NRP1: variants seen among roughly 807,000 people sequenced by gnomAD.
NRP1 encodes neuropilin-1.
A neutral mutation model predicts 106.7 loss-of-function variants in NRP1; 35 were observed. That is an observed-to-expected ratio of 0.33 (90% CI 0.25 to 0.43). The LOEUF (loss-of-function observed/expected upper bound fraction) is 0.43, where lower values mean the gene tolerates loss of function less well. NRP1 is among the 20% of genes least tolerant of loss of function. The probability of loss-of-function intolerance (pLI) is 1.00; values close to 1 mark genes in which losing one functional copy is unlikely to be tolerated. For synonymous variants in NRP1, 437 were observed against 417.9 expected, an observed-to-expected ratio of 1.05 and a Z score of -0.56; for missense variants, 1,024 against 1,170.4, an observed-to-expected ratio of 0.87 and a Z score of 1.83.
At chr10:33,328,431 A>G (rs533822116) in intron 2 of NRP1, among the ~76,000 whole-genome samples, 1 of 152,286 alleles carries the variant, frequency 6.6e-6, no homozygotes, top group Non-Finnish European at 1.5e-5. Flanking sequence ...AGATGACCTT[A>G]TTTCCCTGAC....
intron 2 of NRP1, among the ~76,000 whole-genome samples, chr10:33,299,241 A>C (rs1845630305): frequency 6.6e-6 from 1 of 152,020 alleles, no homozygotes; most frequent in African/African-American, 2.4e-5. Flanking sequence ...TGCCCCCCTG[A>C]CCCTGCCCCA....
At chr10:33,195,421 A>G (rs1836710621) in intron 12 of NRP1, 1 of 480,936 alleles carries the variant, frequency 2.1e-6, no homozygotes, top group Non-Finnish European at 4.2e-6. Context: ...AAGTATATAA[A>G]TATTATATGC....
rs555385260 is a variant in NRP1 at position 33,179,782 on chromosome 10, A to G, written c.*294T>C. The G allele has an allele frequency of 1.3e-4, 43 of 323,422 alleles. No individual in the cohort carries two copies. Among genetic ancestry groups the G allele is most frequent in the Admixed American group, 1.0e-3 (23 of 22,464 alleles). 20.0% of individuals were successfully genotyped at this position (323,422 alleles called of 1,614,324 possible). ...CAAAGGGGAGAGGAGAGAGAGAGAG[A>G]GGGGCAGGAGGGGTCGAAATGAATG... On this transcript the variant is annotated 3_prime_UTR_variant, in exon 17 of 17. Coordinates refer to ENST00000374867, the MANE Select transcript of NRP1 (RefSeq NM_003873.7).
chr10:33,280,199 C>T (rs977832275), intron 2 of NRP1, among the ~76,000 whole-genome samples: 5 of 151,942 alleles, frequency 3.3e-5, no homozygotes, highest in Non-Finnish European at 7.4e-5. Flanking sequence ...ATTTATTGTC[C>T]AGGAAGATTT....
chr10:33,319,533 T>C (rs1847304072), intron 2 of NRP1, among the ~76,000 whole-genome samples: 1 of 151,716 alleles, frequency 6.6e-6, no homozygotes, highest in Admixed American at 6.6e-5. Flanking sequence ...TAAATCTTGC[T>C]GGTGCTCACT....
intron 13 of NRP1, among the ~76,000 whole-genome samples, chr10:33,187,409 G>T (rs1388936861): frequency 6.6e-6 from 1 of 151,852 alleles, no homozygotes; most frequent in African/African-American, 2.4e-5. Context: ...CCCGTAGTTT[G>T]TTTTCATGGT....
At chr10:33,220,047 G>T (rs979043947) in intron 8 of NRP1, among the ~76,000 whole-genome samples, 5 of 152,106 alleles carry the variant, frequency 3.3e-5, no homozygotes, top group Non-Finnish European at 7.3e-5. Context: ...CCCAATTCCT[G>T]CCTCTAAGGC....
intron 6 of NRP1, among the ~76,000 whole-genome samples, chr10:33,228,811 A>G (rs1451649965): frequency 6.6e-6 from 1 of 152,246 alleles, no homozygotes; most frequent in Non-Finnish European, 1.5e-5. Context: ...GATTTAAGAG[A>G]AAAAGGAACA....
At chr10:33,276,048 CA>C (rs1465880416) in intron 2 of NRP1, among the ~76,000 whole-genome samples, 1 of 152,098 alleles carries the variant, frequency 6.6e-6, no homozygotes, top group Non-Finnish European at 1.5e-5. Context: ...TATTCATATG[CA>C]GAAAAAATCT....
intron 3 of NRP1, 62 bp downstream of exon 3, chr10:33,270,613 C>T (rs1306972776): frequency 9.1e-6 from 13 of 1,426,544 alleles, no homozygotes; most frequent in Non-Finnish European, 1.1e-5. Context: ...AGGGGTGAGC[C>T]ACCACACTCG....
chr10:33,318,842 A>G (rs1847229946), intron 2 of NRP1, among the ~76,000 whole-genome samples: 1 of 150,254 alleles, frequency 6.7e-6, no homozygotes, highest in Non-Finnish European at 1.5e-5. Context: ...CTTTGGTAAT[A>G]TAAGGAACTC....
intron 6 of NRP1, among the ~76,000 whole-genome samples, chr10:33,252,020 GC>G (rs1414578279): frequency 6.6e-6 from 1 of 152,066 alleles, no homozygotes; most frequent in Non-Finnish European, 1.5e-5. Context: ...GACCACCATG[GC>G]CCACCACGCC....
At chr10:33,224,560 T>C (rs775532409) in intron 7 of NRP1, among the ~76,000 whole-genome samples, 6 of 151,960 alleles carry the variant, frequency 3.9e-5, no homozygotes, top group Non-Finnish European at 8.8e-5. Context: ...TTTTTTTTTT[T>C]TTCTTCAACC....
intron 5 of NRP1, among the ~76,000 whole-genome samples, chr10:33,255,652 A>G (rs1288915518): frequency 6.6e-6 from 1 of 152,090 alleles, no homozygotes; most frequent in Non-Finnish European, 1.5e-5. Context: ...GGTTCGCATT[A>G]TATTGCCAAG....
intron 3 of NRP1, among the ~76,000 whole-genome samples, chr10:33,265,803 T>G (rs1228238148): frequency 6.6e-6 from 1 of 152,222 alleles, no homozygotes; most frequent in East Asian, 1.9e-4. Context: ...AACGTGGCAA[T>G]TCGCCAGGTC....
At chr10:33,276,145 A>T (rs999362933) in intron 2 of NRP1, among the ~76,000 whole-genome samples, 1 of 152,160 alleles carries the variant, frequency 6.6e-6, no homozygotes, top group Non-Finnish European at 1.5e-5. Context: ...ATTTTTCAAA[A>T]TTTTTACAAT....
At chr10:33,210,649 T>A (rs7091863) in intron 9 of NRP1, among the ~76,000 whole-genome samples, 1,998 of 152,294 alleles carry the variant, frequency 0.013, 48 homozygotes, top group African/African-American at 0.046. Context: ...TGCTAAAAAG[T>A]CTAGTTAATT....
chr10:33,241,100 T>A (rs1280604353), intron 6 of NRP1, among the ~76,000 whole-genome samples: 2 of 152,176 alleles, frequency 1.3e-5, no homozygotes, highest in African/African-American at 2.4e-5. Context: ...TCACAGCAGA[T>A]GTTTGGAACT....
At position 33,213,116 on chromosome 10, in the gene NRP1, G is replaced by A. The variant is rs554648666; in HGVS notation, c.1614+270C>T. On this transcript the variant is annotated intron_variant, in intron 9 of 16. Coordinates refer to ENST00000374867, the MANE Select transcript of NRP1 (RefSeq NM_003873.7). ...GCTGCTGTCAGCCTTGGGCTTCCCCGTCTCCTGTCTGCATGTTGAGCTGTC... is the reference window on the plus strand; with the variant it reads ...GCTGCTGTCAGCCTTGGGCTTCCCCATCTCCTGTCTGCATGTTGAGCTGTC... 9.3e-5 allele frequency: 81 copies of A among 871,792 alleles called. No homozygotes were observed. In the South Asian group the frequency reaches 9.4e-4, roughly 10 times the overall value. 54.0% of individuals were successfully genotyped at this position (871,792 alleles called of 1,614,324 possible).
Sources: allele counts gnomAD v4.1 joint callset (sites outside exome capture counted in the v4.1 genomes callset), GRCh38; gene constraint gnomAD v4.1.1; transcripts MANE v1.5; gene names NCBI Gene and HGNC (gene_info 2026-07-23, HGNC 2026-07-21).